The following TLN2 variants were observed in gnomAD, a reference collection of about 807,000 sequenced individuals.
TLN2 encodes the protein talin 2.
Under a neutral mutation model 294.7 loss-of-function variants are expected in TLN2, and 118 were observed. The ratio of observed to expected loss-of-function variants is 0.40; its 90% CI spans 0.34 to 0.47. The LOEUF is 0.47. Among genes scored for constraint, TLN2 ranks in the 20% least tolerant of loss-of-function variants. The pLI is 0.84. For synonymous variants in TLN2, 1,431 were observed against 1,304.5 expected, an observed-to-expected ratio of 1.10 and a Z score of -2.09; for missense variants, 3,083 against 3,282.2, an observed-to-expected ratio of 0.94 and a Z score of 1.48.
intron 1 of TLN2, among the ~76,000 whole-genome samples, chr15:62,423,729 C>A (rs147109727): frequency 3.3e-5 from 5 of 152,002 alleles, no homozygotes; most frequent in Non-Finnish European, 7.4e-5. Flanking sequence ...TACAGATGCC[C>A]GCCACCACAC....
chr15:62,518,213 A>G (rs922256398), intron 1 of TLN2, among the ~76,000 whole-genome samples: 2 of 152,020 alleles, frequency 1.3e-5, no homozygotes, highest in African/African-American at 4.8e-5. Context: ...TAGTTTTTGT[A>G]TTTTTAGTAG....
At position 62,505,801 on chromosome 15, in the gene TLN2, A is replaced by G. The variant is rs1449500070; in HGVS notation, c.-237-83886A>G. ...TCTCCCTAAACTTAATCTGTAACAT[A>G]GTTTTTGACCTTGTCTGCCTCTATG... On this transcript the variant is annotated intron_variant, in intron 1 of 58. Coordinates refer to ENST00000636159, the MANE Select transcript of TLN2 (RefSeq NM_015059.3). Among the ~76,000 whole-genome samples, 6 of 152,180 alleles carry G rather than the reference A, an allele frequency of 3.9e-5. No homozygotes were observed. The East Asian group carries it at 5.8e-4, about 15-fold the overall frequency.
At chr15:62,638,799 C>T (rs554898576) in intron 3 of TLN2, among the ~76,000 whole-genome samples, 1 of 152,214 alleles carries the variant, frequency 6.6e-6, no homozygotes, top group South Asian at 2.1e-4. Context: ...GAGCAATACA[C>T]GTGGTCCTTG....
At chr15:62,394,142 A>G (rs1239516865) in intron 1 of TLN2, among the ~76,000 whole-genome samples, 5 of 152,110 alleles carry the variant, frequency 3.3e-5, no homozygotes, top group African/African-American at 1.2e-4. Context: ...TCCTTTTAAG[A>G]TTTTGTAACT....
At chr15:62,806,860 C>G (rs1001463261) in intron 51 of TLN2, among the ~76,000 whole-genome samples, 1 of 152,062 alleles carries the variant, frequency 6.6e-6, no homozygotes, top group Non-Finnish European at 1.5e-5. Context: ...GGGAGCAGAG[C>G]CATTCTTTGT....
chr15:62,692,762 T>G (rs1206674536), intron 12 of TLN2, 78 bp from the exon 13 acceptor site: 1 of 1,095,426 alleles, frequency 9.1e-7, no homozygotes, highest in Non-Finnish European at 1.4e-6. Flanking sequence ...GTCATATTGT[T>G]CTAGAGCTGG....
At chr15:62,835,011 C>G (rs2069335018) in intron 55 of TLN2, 1 of 151,882 alleles carries the variant, frequency 6.6e-6, no homozygotes, top group Non-Finnish European at 1.5e-5. Context: ...ACCTGACATT[C>G]AGCAATCCCT....
intron 9 of TLN2, among the ~76,000 whole-genome samples, chr15:62,661,263 T>C (rs891171170): frequency 6.6e-6 from 1 of 152,138 alleles, no homozygotes; most frequent in Non-Finnish European, 1.5e-5. Context: ...GTGACAGATA[T>C]AGAATGTTAG....
intron 9 of TLN2, among the ~76,000 whole-genome samples, chr15:62,660,105 G>A (rs1004006347): frequency 2.6e-5 from 4 of 152,204 alleles, no homozygotes; most frequent in African/African-American, 9.6e-5. Flanking sequence ...TCATGCTGAA[G>A]ATGCAACCCC....
chr15:62,836,599 A>G (rs2069637898), intron 57 of TLN2, among the ~76,000 whole-genome samples: 1 of 152,238 alleles, frequency 6.6e-6, no homozygotes, highest in Non-Finnish European at 1.5e-5. Flanking sequence ...AAAATGACTG[A>G]AATTCTATGA....
chr15:62,609,679 C>G (rs2047751718), intron 2 of TLN2, among the ~76,000 whole-genome samples: 1 of 152,196 alleles, frequency 6.6e-6, no homozygotes, highest in Admixed American at 6.5e-5. Flanking sequence ...GGTGCCCAAT[C>G]TAGATGTGTC....
intron 1 of TLN2, among the ~76,000 whole-genome samples, chr15:62,401,877 G>A (rs996531650): frequency 3.9e-5 from 6 of 152,180 alleles, no homozygotes; most frequent in East Asian, 1.9e-4. Flanking sequence ...TCTAGACAAG[G>A]AGGATATTTG....
At chr15:62,595,284 G>T (rs1279186256) in intron 2 of TLN2, among the ~76,000 whole-genome samples, 2 of 152,090 alleles carry the variant, frequency 1.3e-5, no homozygotes, top group African/African-American at 4.8e-5. Context: ...ACCAGACGTG[G>T]TGGTGGGCGC....
chr15:62,559,202 G>T (rs1480355444), intron 1 of TLN2, among the ~76,000 whole-genome samples: 1 of 152,186 alleles, frequency 6.6e-6, no homozygotes, highest in African/African-American at 2.4e-5. Context: ...TGTTAAGAGA[G>T]CTCTAAATAG....
rs2052800159 is a variant in TLN2 at position 62,653,235 on chromosome 15, A to G, written c.438A>G (p.Thr146=). The G allele has an allele frequency of 1.2e-6, 2 of 1,613,344 alleles. No individual in the cohort carries two copies. Among genetic ancestry groups the G allele is most frequent in the Non-Finnish European group, 1.7e-6 (2 of 1,179,832 alleles). ...AAAAGAAAGAGGAAGGAACGGGCAC[A>G]CTCAAAAAAGACAGGACACTGTTAC... The part of the protein sequence containing the change: ...IEEKKEEGTG[T]LKKDRTLLRD... Residue 146 remains threonine, a synonymous_variant, in exon 7 of 59, where the codon ACA becomes ACG. Transcript: ENST00000636159.
At chr15:62,630,767 C>T (rs34588771) in intron 3 of TLN2, among the ~76,000 whole-genome samples, 2,350 of 151,668 alleles carry the variant, frequency 0.015, 22 homozygotes, top group Middle Eastern at 0.048. Flanking sequence ...AATGGAGAAA[C>T]AGCTCTGTTT....
Position 62,627,881 on chromosome 15 carries a change from C to T in TLN2, c.-37+9406C>T, listed in dbSNP as rs150866526. Among the ~76,000 whole-genome samples, 18 of 152,192 alleles carry T rather than the reference C, an allele frequency of 1.2e-4. No homozygotes were observed. The South Asian group carries it at 1.2e-3, about 11-fold the overall frequency. ...CTCTTAATTCTTTCCAGGTGGGGCT[C>T]ATGTTCTGTTTCCTTTGCCTGTGTC... On this transcript the variant is annotated intron_variant, in intron 3 of 58. Transcript: ENST00000636159.
chr15:62,644,486 T>C (rs1260836013), intron 3 of TLN2: 5 of 455,834 alleles, frequency 1.1e-5, no homozygotes, highest in Admixed American at 7.1e-5. Flanking sequence ...ATATTCCACC[T>C]CTCCACTGAA....
intron 1 of TLN2, among the ~76,000 whole-genome samples, chr15:62,432,199 A>T (rs1475722407): frequency 6.6e-6 from 1 of 152,176 alleles, no homozygotes; most frequent in African/African-American, 2.4e-5. Context: ...TCCTCTGGAA[A>T]AGAAACACTC....
Sources: gnomAD v4.1 joint callset for allele counts (sites outside exome capture counted in the v4.1 genomes callset) on GRCh38, gnomAD v4.1.1 for gene constraint, MANE v1.5 for transcripts, NCBI Gene and HGNC (gene_info 2026-07-23, HGNC 2026-07-21) for gene names.